The following SULF1 variants were observed in gnomAD, a reference collection of about 807,000 sequenced individuals.
SULF1 encodes sulfatase 1, also known as extracellular sulfatase Sulf-1.
Under a neutral mutation model 110.5 loss-of-function variants are expected in SULF1, and 46 were observed. The ratio of observed to expected loss-of-function variants is 0.42; its 90% confidence interval spans 0.33 to 0.53. The LOEUF is 0.53. Among genes scored for constraint, SULF1 ranks in the 20% least tolerant of loss-of-function variants. The pLI is 0.12. For missense variants in SULF1, 941 were observed against 1,094.2 expected (o/e 0.86, Z 1.98); for synonymous variants, 371 against 387.1 (o/e 0.96, Z 0.49).
At chr8:69,583,912 A>G (rs1806261804) in intron 6 of SULF1, among the ~76,000 whole-genome samples, 1 of 152,226 alleles carries the variant, frequency 6.6e-6, no homozygotes. Flanking sequence ...TGATATATAA[A>G]GAGGCAAATA....
chr8:69,547,305 C>T (rs1195714070), intron 3 of SULF1, among the ~76,000 whole-genome samples: 1 of 152,082 alleles, frequency 6.6e-6, no homozygotes, highest in African/African-American at 2.4e-5. Context: ...CTTGTGAACA[C>T]AGAAGGAATC....
At chr8:69,551,827 C>T (rs112993925) in intron 3 of SULF1, among the ~76,000 whole-genome samples, 5,426 of 152,264 alleles carry the variant, frequency 0.036, 122 homozygotes, top group Non-Finnish European at 0.05. Context: ...TGCGGTGGCT[C>T]ATGCCTGTAA....
intron 3 of SULF1, among the ~76,000 whole-genome samples, chr8:69,538,937 G>T (rs138619767): frequency 6.6e-6 from 1 of 152,080 alleles, no homozygotes; most frequent in Non-Finnish European, 1.5e-5. Context: ...GTGATCTGCC[G>T]GCTTCGGCCT....
Position 69,600,751 on chromosome 8 carries a change from A to AG in SULF1, c.885+1dup. 4 of 1,613,644 alleles carry AG rather than the reference A, an allele frequency of 2.5e-6. No homozygotes were observed. Among genetic ancestry groups the AG allele is most frequent in the Non-Finnish European group, 3.4e-6 (4 of 1,179,738 alleles). Reference sequence around the variant, plus strand: ...GATGTCAGTGGATGATTCTGTGGAGAGGGTAAGCACATGAACCTACCTCAG... The same window carrying AG: ...GATGTCAGTGGATGATTCTGTGGAGAGGGGTAAGCACATGAACCTACCTCAG... On this transcript the variant is annotated frameshift_variant and splice_region_variant, in exon 9 of 23. Transcript: ENST00000402687. LOFTEE classifies it high-confidence loss of function.
intron 3 of SULF1, among the ~76,000 whole-genome samples, chr8:69,552,996 T>C (rs1450473956): frequency 6.6e-6 from 1 of 152,218 alleles, no homozygotes; most frequent in Non-Finnish European, 1.5e-5. Context: ...CACTATTCAC[T>C]GATGAGTGAG....
intron 3 of SULF1, among the ~76,000 whole-genome samples, chr8:69,560,361 G>A (rs1031702046): frequency 5.4e-5 from 8 of 148,072 alleles, no homozygotes; most frequent in Admixed American, 4.0e-4. Flanking sequence ...TCTTTTACAT[G>A]TGACTTGAAA....
At chr8:69,534,433 C>T (rs1258603110) in intron 3 of SULF1, among the ~76,000 whole-genome samples, 1 of 152,066 alleles carries the variant, frequency 6.6e-6, no homozygotes, top group Admixed American at 6.5e-5. Flanking sequence ...TCATAAGAAA[C>T]AAGAATCTTA....
At chr8:69,478,287 T>G (rs1428694567) in intron 1 of SULF1, among the ~76,000 whole-genome samples, 1 of 152,178 alleles carries the variant, frequency 6.6e-6, no homozygotes, top group Non-Finnish European at 1.5e-5. Context: ...TCTTACCTAC[T>G]GCCATTAAAC....
intron 19 of SULF1, 34 bp downstream of exon 19, chr8:69,629,713 G>A (rs374439751): frequency 6.1e-5 from 94 of 1,542,488 alleles, no homozygotes; most frequent in African/African-American, 1.4e-4. Context: ...ACTTCCTGCC[G>A]CCATGCAGAG....
chr8:69,607,982 A>G (rs1808361697), intron 13 of SULF1, among the ~76,000 whole-genome samples: 1 of 152,178 alleles, frequency 6.6e-6, no homozygotes, highest in Non-Finnish European at 1.5e-5. Context: ...GAAAATCAGC[A>G]TGACTAGCCC....
chr8:69,565,656 C>G (rs1796337518), intron 5 of SULF1, among the ~76,000 whole-genome samples: 2 of 152,168 alleles, frequency 1.3e-5, no homozygotes, highest in Admixed American at 1.3e-4. Flanking sequence ...ACCCTTCACT[C>G]AATTGCCAGA....
chr8:69,563,820 C>A (rs938544412), intron 4 of SULF1, 96 bp from the exon 5 acceptor site: 1 of 691,630 alleles, frequency 1.4e-6, no homozygotes, highest in Non-Finnish European at 2.4e-6. Context: ...GCTTATGTGC[C>A]AATACTGACT....
chr8:69,488,563 G>A (rs537370776), upstream of SULF1, among the ~76,000 whole-genome samples: 22 of 151,766 alleles, frequency 1.4e-4, no homozygotes, highest in South Asian at 3.8e-3. Context: ...AAACTCCAAC[G>A]GATGGGCTGT....
At chr8:69,572,453 T>C (rs1805304465) in intron 5 of SULF1, among the ~76,000 whole-genome samples, 1 of 152,210 alleles carries the variant, frequency 6.6e-6, no homozygotes, top group Admixed American at 6.5e-5. Flanking sequence ...GAAGAGAACC[T>C]GGCTGAGAGT....
intron 1 of SULF1, among the ~76,000 whole-genome samples, chr8:69,486,772 C>T (rs1285776807): frequency 6.6e-6 from 1 of 152,148 alleles, no homozygotes; most frequent in Admixed American, 6.5e-5. Context: ...CCCAAGCCAG[C>T]CCTGAGAGGG....
At chr8:69,640,957 T>C in intron 22 of SULF1, 116 bp downstream of exon 22, 1 of 886,840 alleles carries the variant, frequency 1.1e-6, no homozygotes, top group Middle Eastern at 2.3e-4. Context: ...TGGGGGTGCA[T>C]GCTTGTTCTA....
In SULF1 at chr8:69,585,254, G is replaced by A. The variant is rs184530953; in HGVS notation, c.413-1103G>A. The stretch of plus-strand genomic sequence containing the variant: ...TTTCTCTAGCCCTTTCTACTTGAAG[G>A]GAAAGCTATGTGTGTGGCTGGAGTG... On this transcript the variant is annotated intron_variant, in intron 6 of 22. Coordinates refer to ENST00000402687, the MANE Select transcript of SULF1 (RefSeq NM_001128205.2). 2.6e-5 allele frequency among the ~76,000 whole-genome samples: 4 copies of A among 152,152 alleles called. No homozygotes were observed. The East Asian group carries it at 7.7e-4, about 29-fold the overall frequency.
intron 13 of SULF1, among the ~76,000 whole-genome samples, chr8:69,615,075 GT>G (rs928675241): frequency 6.6e-6 from 1 of 152,210 alleles, no homozygotes; most frequent in Non-Finnish European, 1.5e-5. Context: ...TGACAGCTGT[GT>G]TTCTGCAAGG....
intron 13 of SULF1, 71 bp downstream of exon 13, chr8:69,605,003 T>C (rs1422071761): frequency 6.3e-7 from 1 of 1,585,518 alleles, no homozygotes; most frequent in Non-Finnish European, 8.6e-7. Context: ...ATTGTCCACA[T>C]ATAAAAGAAT....
Sources: allele counts gnomAD v4.1 joint callset (sites outside exome capture counted in the v4.1 genomes callset), GRCh38; gene constraint gnomAD v4.1.1; transcripts MANE v1.5; gene names NCBI Gene and HGNC (gene_info 2026-07-23, HGNC 2026-07-21).